Variants in DLD observed in about 807,000 individuals in gnomAD.
The protein encoded by DLD is dihydrolipoamide dehydrogenase.
DLD carries 36 observed loss-of-function variants against 62.2 expected under a neutral mutation model. The ratio of observed to expected loss-of-function variants is 0.58; its 90% CI spans 0.44 to 0.76. DLD has a LOEUF of 0.76. Ranked by LOEUF, DLD falls within the 30% of genes least tolerant of loss-of-function variation. DLD has a pLI of 0.00. For synonymous variants in DLD, 204 were observed against 199.6 expected (o/e 1.02, Z -0.19); for missense variants, 541 against 608.6 (o/e 0.89, Z 1.17).
At chr7:107,913,033 C>T (rs938759803) in intron 8 of DLD, among the ~76,000 whole-genome samples, 4 of 152,126 alleles carry the variant, frequency 2.6e-5, no homozygotes, top group African/African-American at 9.7e-5. Context: ...CCAGTTTTCC[C>T]AGCACCATTT....
At chr7:107,909,534 A>AT (rs1039924308) in intron 8 of DLD, among the ~76,000 whole-genome samples, 4 of 152,104 alleles carry the variant, frequency 2.6e-5, no homozygotes, top group East Asian at 1.9e-4. Context: ...TTTTCTTAAA[A>AT]TTTTTTTTAA....
rs1065762 is a variant in DLD at position 107,915,598 on chromosome 7, A to G, written c.777A>G (p.Lys259=). 1.6e-3 allele frequency: 2,515 copies of G among 1,613,872 alleles called. 38 individuals carry two copies. In the African/African-American group the frequency reaches 0.03, roughly 19 times the overall value. Reference sequence around the variant, plus strand: ...TTGGAATTGATATGGAGATATCTAAAAACTTTCAACGCATCCTTCAAAAAC... The same window carrying G: ...TTGGAATTGATATGGAGATATCTAAGAACTTTCAACGCATCCTTCAAAAAC... ...GGVGIDMEIS[K]NFQRILQKQG... The change falls in exon 9 of 14, where the codon AAA becomes AAG. Residue 259 remains lysine, a synonymous_variant. Transcript: ENST00000205402.
chr7:107,919,547 A>G lies in DLD; in HGVS notation c.*288A>G. The G allele has an allele frequency of 4.0e-6, 1 of 249,224 alleles. No homozygotes were observed. Among genetic ancestry groups the G allele is most frequent in the Non-Finnish European group, 7.7e-6 (1 of 130,554 alleles). The allele number at this position is 249,224 out of a possible 1,614,324, so 15.4% of individuals were successfully genotyped here. A position where few individuals can be genotyped will look rare whatever the true frequency, so the allele number is the denominator to read the frequency against. The stretch of plus-strand genomic sequence containing the variant: ...TTTTCATGCTGTTCATGAAAGATTC[A>G]ATGCCCCTGAATTTAAATAGCTTTT... On this transcript the variant is annotated 3_prime_UTR_variant, in exon 14 of 14. Transcript: ENST00000205402.
At chr7:107,894,023 A>G (rs942031680) in intron 2 of DLD, among the ~76,000 whole-genome samples, 37 of 152,224 alleles carry the variant, frequency 2.4e-4, no homozygotes, top group Non-Finnish European at 4.4e-5. Context: ...TATCAAAAGC[A>G]TGTTTTAAAG....
intron 9 of DLD, among the ~76,000 whole-genome samples, 170 bp from the exon 10 acceptor site, chr7:107,916,624 A>T (rs2032275580): frequency 6.6e-6 from 1 of 152,110 alleles, no homozygotes; most frequent in Non-Finnish European, 1.5e-5. Flanking sequence ...GTGAGCCGAG[A>T]TTGCACCACT....
intron 8 of DLD, among the ~76,000 whole-genome samples, chr7:107,910,072 G>T (rs1340872387): frequency 1.3e-5 from 2 of 151,932 alleles, no homozygotes; most frequent in African/African-American, 2.4e-5. Flanking sequence ...GGCCAGGCTG[G>T]TCTTGAACTC....
chr7:107,905,144 A>T lies in DLD; in HGVS notation c.438+86A>T, dbSNP rs867423979. ...AGAGTGATGATATTTGAACTTGGTTACAGGGGAATATTTATTTAATTTAAA... is the reference window on the plus strand; with the variant it reads ...AGAGTGATGATATTTGAACTTGGTTTCAGGGGAATATTTATTTAATTTAAA... On this transcript the variant is annotated intron_variant, in intron 6 of 13. Transcript: ENST00000205402. The T allele has an allele frequency of 1.2e-5, 13 of 1,048,452 alleles. No homozygotes were observed. The South Asian group carries it at 1.7e-4, about 14-fold the overall frequency. The allele number at this position is 1,048,452 out of a possible 1,614,324, so 64.9% of individuals were successfully genotyped here. A position where few individuals can be genotyped will look rare whatever the true frequency, so the allele number is the denominator to read the frequency against.
chr7:107,904,316 A>G (rs1272380061), intron 5 of DLD, among the ~76,000 whole-genome samples: 2 of 152,226 alleles, frequency 1.3e-5, no homozygotes, highest in South Asian at 2.1e-4. Context: ...AGGCTTTTAC[A>G]TCCTAGCTCT....
At chr7:107,903,450 A>G (rs760731186) in intron 4 of DLD, 28 bp from the exon 5 acceptor site, 29 of 1,312,734 alleles carry the variant, frequency 2.2e-5, no homozygotes, top group Non-Finnish European at 5.5e-6. Context: ...TGAATATTTG[A>G]TAATTTGATC....
chr7:107,916,950 A>T lies in DLD; in HGVS notation c.1032A>T (p.Gln344His). The T allele has an allele frequency of 1.2e-6, 2 of 1,613,986 alleles. No individual in the cohort carries two copies. Among genetic ancestry groups the T allele is most frequent in the Non-Finnish European group, 8.5e-7 (1 of 1,179,972 alleles). ...GAATTCCAGTCAATACCAGATTTCA[A>T]ACTAAAATTCCAAAGTAAGTTGGAT... ...RGRIPVNTRFQTKIPNIYAIG... is the reference protein window; with the variant it reads ...RGRIPVNTRFHTKIPNIYAIG... The change falls in exon 10 of 14, where the codon CAA becomes CAT. Residue 344 changes from glutamine (Q) to histidine (H), a missense_variant. Coordinates refer to ENST00000205402, the MANE Select transcript of DLD (RefSeq NM_000108.5).
intron 2 of DLD, among the ~76,000 whole-genome samples, chr7:107,900,328 G>GA (rs2031846831): frequency 6.6e-6 from 1 of 152,070 alleles, no homozygotes; most frequent in African/African-American, 2.4e-5. Context: ...AGGGGGTGAT[G>GA]CAAATTAAAA....
chr7:107,915,477 AT>A lies in DLD; in HGVS notation c.685-27del, dbSNP rs1214466697. ...AACATTTGCTATAGAAACTTTTATG[AT>A]TATTGGGTTTTTTTAATTTATTTGC... is the stretch of plus-strand genomic sequence containing the variant. On this transcript the variant is annotated intron_variant, in intron 8 of 13. Coordinates refer to ENST00000205402, the MANE Select transcript of DLD (RefSeq NM_000108.5). 17 of 1,610,276 alleles carry A rather than the reference AT, an allele frequency of 1.1e-5. No individual in the cohort carries two copies. In the African/African-American group the frequency reaches 2.3e-4, roughly 22 times the overall value.
intron 2 of DLD, among the ~76,000 whole-genome samples, chr7:107,895,330 T>C (rs2031693597): frequency 6.6e-6 from 1 of 152,112 alleles, no homozygotes; most frequent in Non-Finnish European, 1.5e-5. Flanking sequence ...TCCTGAGGAG[T>C]TCAAATCTTA....
chr7:107,911,003 T>C (rs2032126781), intron 8 of DLD, among the ~76,000 whole-genome samples: 1 of 152,194 alleles, frequency 6.6e-6, no homozygotes, highest in African/African-American at 2.4e-5. Context: ...TATTGAGATA[T>C]AGTTCACATA....
At chr7:107,897,575 T>C (rs1324537978) in intron 2 of DLD, among the ~76,000 whole-genome samples, 6 of 46,520 alleles carry the variant, frequency 1.3e-4, no homozygotes, top group Non-Finnish European at 2.3e-4. Flanking sequence ...GTAGACTGAC[T>C]TTTTTTTTTT....
chr7:107,916,855 A>G lies in DLD; in HGVS notation c.937A>G (p.Ile313Val), dbSNP rs566433887. Residue 313 changes from isoleucine (I) to valine (V), a missense_variant, in exon 10 of 14, where the codon ATT (isoleucine) becomes GTT (valine). Physicochemically the swap from Ile to Val is conservative, Grantham distance 29. Coordinates refer to ENST00000205402, the MANE Select transcript of DLD (RefSeq NM_000108.5). ...VITCDVLLVC[I>V]GRRPFTKNLG... ...CACTTGTGATGTACTCTTGGTTTGC[A>G]TTGGCCGACGACCCTTTACTAAGAA... The G allele has an allele frequency of 1.2e-6, 2 of 1,613,376 alleles. No homozygotes were observed. The highest frequency in any genetic ancestry group is 1.1e-5 in the South Asian group (1 of 91,030).
At chr7:107,898,737 C>T (rs1233415354) in intron 2 of DLD, among the ~76,000 whole-genome samples, 1 of 151,940 alleles carries the variant, frequency 6.6e-6, no homozygotes, top group Non-Finnish European at 1.5e-5. Flanking sequence ...ACTACAGGTG[C>T]CTGCCACCAC....
Position 107,905,449 on chromosome 7 carries a change from C to T in DLD, c.527C>T (p.Thr176Ile), listed in dbSNP as rs745725642. Residue 176 changes from threonine to isoleucine, a missense_variant, in exon 7 of 14, where the codon ACA becomes ATA. Thr to Ile is a moderately conservative substitution (Grantham distance 89, BLOSUM62 -1). Coordinates refer to ENST00000205402, the MANE Select transcript of DLD (RefSeq NM_000108.5). ...GATGGCGGCACTCAGGTTATTGATA[C>T]AAAGAACATTCTTATAGCCACGGGT... ...KADGGTQVID[T>I]KNILIATGSE... 1.2e-6 allele frequency: 2 copies of T among 1,613,722 alleles called. No homozygotes were observed. Among genetic ancestry groups the T allele is most frequent in the Non-Finnish European group, 1.7e-6 (2 of 1,179,700 alleles).
chr7:107,895,544 G>A (rs371056166), intron 2 of DLD, among the ~76,000 whole-genome samples: 2 of 152,074 alleles, frequency 1.3e-5, no homozygotes, highest in East Asian at 3.9e-4. Flanking sequence ...TTATTATTTC[G>A]ACAAATACTA....
Sources: allele counts gnomAD v4.1 joint callset (sites outside exome capture counted in the v4.1 genomes callset), GRCh38; gene constraint gnomAD v4.1.1; transcripts MANE v1.5; gene names NCBI Gene and HGNC (gene_info 2026-07-23, HGNC 2026-07-21).